Variants in STX8 observed in about 807,000 individuals in gnomAD.
The protein encoded by STX8 is syntaxin-8.
A neutral mutation model predicts 37.5 loss-of-function variants in STX8; 23 were observed. The observed-to-expected ratio is 0.61, with a 90% CI of 0.44 to 0.87. The LOEUF is 0.87. STX8 is among the 40% of genes least tolerant of loss of function. The pLI is 0.00. For missense variants in STX8, 313 were observed against 284.7 expected (o/e 1.10, Z -0.71); for synonymous variants, 115 against 99.1 (o/e 1.16, Z -0.95).
intron 7 of STX8, among the ~76,000 whole-genome samples, chr17:9,326,255 C>T (rs551025165): frequency 3.2e-4 from 48 of 152,020 alleles, no homozygotes; most frequent in Non-Finnish European, 4.4e-4. Flanking sequence ...CTCAGCCTGC[C>T]GAGTAGCTAG....
At chr17:9,356,381 G>A (rs755551768) in intron 7 of STX8, among the ~76,000 whole-genome samples, 9 of 152,084 alleles carry the variant, frequency 5.9e-5, no homozygotes, top group Admixed American at 4.6e-4. Flanking sequence ...AAGAAACATC[G>A]AAGGCTGGAA....
At chr17:9,290,085 T>C (rs1185451919) in intron 7 of STX8, among the ~76,000 whole-genome samples, 1 of 152,144 alleles carries the variant, frequency 6.6e-6, no homozygotes, top group Non-Finnish European at 1.5e-5. Flanking sequence ...AATCGAGTCA[T>C]GTCAGTACAA....
At chr17:9,289,959 G>A (rs1259504160) in intron 7 of STX8, among the ~76,000 whole-genome samples, 1 of 152,206 alleles carries the variant, frequency 6.6e-6, no homozygotes, top group Non-Finnish European at 1.5e-5. Flanking sequence ...GTTTAACTCT[G>A]TTGGTAGCAC....
intron 4 of STX8, among the ~76,000 whole-genome samples, chr17:9,505,752 C>T (rs1348183637): frequency 6.6e-6 from 1 of 151,946 alleles, no homozygotes; most frequent in East Asian, 1.9e-4. Context: ...ACCAGCCCGT[C>T]CAACATGATG....
At chr17:9,424,759 A>T (rs1913565418) in intron 6 of STX8, among the ~76,000 whole-genome samples, 1 of 152,244 alleles carries the variant, frequency 6.6e-6, no homozygotes, top group Non-Finnish European at 1.5e-5. Flanking sequence ...GATTTAACTG[A>T]GGAATCAATC....
intron 6 of STX8, among the ~76,000 whole-genome samples, chr17:9,442,401 T>C (rs1046010352): frequency 6.6e-6 from 1 of 152,090 alleles, no homozygotes; most frequent in African/African-American, 2.4e-5. Flanking sequence ...TCCCAAGCCA[T>C]AGTTTCTTTC....
intron 7 of STX8, among the ~76,000 whole-genome samples, chr17:9,279,807 T>C (rs560369452): frequency 6.6e-6 from 1 of 152,300 alleles, no homozygotes; most frequent in Non-Finnish European, 1.5e-5. Flanking sequence ...AAATTATTAT[T>C]TGCAGATAAT....
chr17:9,545,326 G>GT (rs773036551), intron 3 of STX8, 44 bp from the exon 4 acceptor site: 1 of 1,372,272 alleles, frequency 7.3e-7, no homozygotes, highest in East Asian at 2.3e-5. Context: ...AAATGACCTC[G>GT]TTTTAACTAT....
At chr17:9,327,477 C>T (rs1231684869) in intron 7 of STX8, among the ~76,000 whole-genome samples, 1 of 151,996 alleles carries the variant, frequency 6.6e-6, no homozygotes, top group Non-Finnish European at 1.5e-5. Context: ...TGTGAATGGA[C>T]AGCTATGTAG....
At position 9,398,993 on chromosome 17, in the gene STX8, G is replaced by A. The variant is rs1227107416; in HGVS notation, c.542-20340C>T. On this transcript the variant is annotated intron_variant, in intron 6 of 7. Transcript: ENST00000306357. Reference sequence around the variant, plus strand: ...GAACCTGGGAAGTGGAGGTTGCAGTGAGCCAAGATGGTACCCCTGCACTCC... The same window carrying A: ...GAACCTGGGAAGTGGAGGTTGCAGTAAGCCAAGATGGTACCCCTGCACTCC... Among the ~76,000 whole-genome samples, 12 of 149,896 alleles carry A rather than the reference G, an allele frequency of 8.0e-5. No homozygotes were observed. In the East Asian group the frequency reaches 2.4e-3, roughly 30 times the overall value.
In STX8 at chr17:9,571,390, G is replaced by C. The variant is rs538291989; in HGVS notation, c.18-2920C>G. Among the ~76,000 whole-genome samples, 7 of 152,190 alleles carry C rather than the reference G, an allele frequency of 4.6e-5. No homozygotes were observed. In the South Asian group the frequency reaches 1.5e-3, roughly 32 times the overall value. On this transcript the variant is annotated intron_variant, in intron 1 of 7. Coordinates refer to ENST00000306357, the MANE Select transcript of STX8 (RefSeq NM_004853.3). ...CCAAGTGATTCCAATCTGCGGTAAA[G>C]TCCGGGCGGGAACCCTTGGCCTGGG...
chr17:9,511,334 G>A (rs1386606957), intron 4 of STX8, among the ~76,000 whole-genome samples: 1 of 152,004 alleles, frequency 6.6e-6, no homozygotes, highest in Non-Finnish European at 1.5e-5. Flanking sequence ...CAATATCCCT[G>A]ATAAATATAC....
intron 7 of STX8, among the ~76,000 whole-genome samples, chr17:9,287,681 T>G (rs982274998): frequency 6.6e-6 from 1 of 152,174 alleles, no homozygotes; most frequent in Non-Finnish European, 1.5e-5. Flanking sequence ...CCCTGCCTGA[T>G]AATGCTTCTG....
At chr17:9,547,777 CT>C (rs931614569) in intron 3 of STX8, among the ~76,000 whole-genome samples, 1 of 123,232 alleles carries the variant, frequency 8.1e-6, no homozygotes, top group African/African-American at 3.6e-5. Flanking sequence ...CTTTTCTTTT[CT>C]TTTCTTTTTT....
intron 7 of STX8, among the ~76,000 whole-genome samples, chr17:9,333,896 G>A (rs919403395): frequency 6.6e-6 from 1 of 152,150 alleles, no homozygotes; most frequent in African/African-American, 2.4e-5. Flanking sequence ...CCTAGACAGA[G>A]CCGATTTCTC....
At chr17:9,492,365 A>G (rs903919902) in intron 5 of STX8, among the ~76,000 whole-genome samples, 1 of 152,210 alleles carries the variant, frequency 6.6e-6, no homozygotes, top group Non-Finnish European at 1.5e-5. Context: ...TCAGATGTAT[A>G]AGGATTAAAA....
At chr17:9,291,300 G>A (rs1355937082) in intron 7 of STX8, among the ~76,000 whole-genome samples, 1 of 152,020 alleles carries the variant, frequency 6.6e-6, no homozygotes, top group Non-Finnish European at 1.5e-5. Flanking sequence ...CAAAACATTA[G>A]CTGGGTGTGG....
chr17:9,314,708 G>A (rs1399920670), intron 7 of STX8, among the ~76,000 whole-genome samples: 51 of 150,130 alleles, frequency 3.4e-4, no homozygotes, highest in Admixed American at 4.0e-4. Context: ...ATGCCCGGCC[G>A]CTTATCTTTT....
At chr17:9,258,290 T>C (rs556536691) in intron 7 of STX8, among the ~76,000 whole-genome samples, 2 of 152,378 alleles carry the variant, frequency 1.3e-5, no homozygotes, top group African/African-American at 4.8e-5. Flanking sequence ...AATATTTATC[T>C]TCAAAAGTTC....
Sources: allele counts gnomAD v4.1 joint callset (sites outside exome capture counted in the v4.1 genomes callset), GRCh38; gene constraint gnomAD v4.1.1; transcripts MANE v1.5; gene names NCBI Gene and HGNC (gene_info 2026-07-23, HGNC 2026-07-21).